TSHZ2: variants seen among roughly 807,000 people sequenced by gnomAD.
The protein encoded by TSHZ2 is teashirt homolog 2.
TSHZ2 carries 21 observed loss-of-function variants against 74.4 expected under a neutral mutation model. The ratio of observed to expected loss-of-function variants is 0.28; its 90% CI spans 0.20 to 0.41. The LOEUF (loss-of-function observed/expected upper bound fraction) is 0.41, where lower values mean the gene tolerates loss of function less well. Ranked by LOEUF, TSHZ2 falls within the 10% of genes least tolerant of loss-of-function variation. The probability of loss-of-function intolerance (pLI) is 1.00; values close to 1 mark genes in which losing one functional copy is unlikely to be tolerated. For synonymous variants in TSHZ2, 540 were observed against 515.3 expected, an observed-to-expected ratio of 1.05 and a Z score of -0.65; for missense variants, 1,244 against 1,293.5, an observed-to-expected ratio of 0.96 and a Z score of 0.59.
chr20:53,164,103 C>A (rs1482088577), intron 1 of TSHZ2, among the ~76,000 whole-genome samples: 4 of 152,030 alleles, frequency 2.6e-5, no homozygotes, highest in Non-Finnish European at 4.4e-5. Context: ...ATAAACACCA[C>A]TGTGGTGAAC....
intron 1 of TSHZ2, among the ~76,000 whole-genome samples, chr20:53,018,590 A>T (rs1983124851): frequency 6.6e-6 from 1 of 152,196 alleles, no homozygotes; most frequent in African/African-American, 2.4e-5. Flanking sequence ...GAAAGTGATG[A>T]CTTTGCCTTT....
chr20:53,363,346 A>G (rs984032832), intron 2 of TSHZ2, among the ~76,000 whole-genome samples: 4 of 152,218 alleles, frequency 2.6e-5, no homozygotes, highest in African/African-American at 9.6e-5. Flanking sequence ...ATTACCAAGA[A>G]TTTGCTTCCA....
rs1484251107 is a variant in TSHZ2 at position 53,471,750 on chromosome 20, G to C, written c.*9-15394G>C. Among the ~76,000 whole-genome samples the C allele has an allele frequency of 8.6e-5, 13 of 150,612 alleles. 1 individual carries two copies. The highest frequency in any genetic ancestry group is 7.9e-4 in the Admixed American group (12 of 15,118). On this transcript the variant is annotated intron_variant, in intron 2 of 2. Transcript: ENST00000371497. ...AGGGATGGCAAGACCAGATCAAGCA[G>C]GACATTAAAACAAGTTTGTCTTTTT...
At chr20:53,135,036 A>ACG (rs57646845) in intron 1 of TSHZ2, among the ~76,000 whole-genome samples, 2 of 149,276 alleles carry the variant, frequency 1.3e-5, no homozygotes, top group African/African-American at 5.0e-5. Flanking sequence ...ACACACACAC[A>ACG]AGGGTTGTGG....
chr20:53,116,451 C>T (rs1986670080), intron 1 of TSHZ2, among the ~76,000 whole-genome samples: 1 of 152,126 alleles, frequency 6.6e-6, no homozygotes, highest in South Asian at 2.1e-4. Context: ...TACAACCTCG[C>T]TCATTCTCTC....
At chr20:53,265,470 C>A (rs1236714849) in intron 2 of TSHZ2, among the ~76,000 whole-genome samples, 1 of 152,076 alleles carries the variant, frequency 6.6e-6, no homozygotes, top group Non-Finnish European at 1.5e-5. Context: ...AGGTACAACA[C>A]AGGGGAAGCT....
At chr20:53,280,392 G>T (rs963503956) in intron 2 of TSHZ2, among the ~76,000 whole-genome samples, 2 of 152,168 alleles carry the variant, frequency 1.3e-5, no homozygotes, top group Non-Finnish European at 2.9e-5. Flanking sequence ...GACCTCCCAT[G>T]ATATAATGTG....
chr20:53,249,095 C>A (rs1990267768), intron 1 of TSHZ2, among the ~76,000 whole-genome samples: 1 of 152,116 alleles, frequency 6.6e-6, no homozygotes. Context: ...CCTGCCTCAG[C>A]CTCCCAAAAT....
intron 2 of TSHZ2, among the ~76,000 whole-genome samples, chr20:53,436,536 A>ATTTTTTTTTTTTTTTTTTTTTTTT (rs71194478): frequency 1.4e-4 from 12 of 83,562 alleles, no homozygotes; most frequent in African/African-American, 2.0e-4. Flanking sequence ...TATTATTATT[A>ATTTTTTTTTTTTTTTTTTTTTTTT]TTATTATTAT....
intron 1 of TSHZ2, among the ~76,000 whole-genome samples, chr20:53,001,228 G>GTGTGTATGTGTGTGTGTGTGTGTGTA (rs1555813618): frequency 1.8e-4 from 26 of 143,480 alleles, no homozygotes; most frequent in Non-Finnish European, 2.9e-4. Flanking sequence ...GTGTGTGTGT[G>GTGTGTATGTGTGTGTGTGTGTGTGTA]TGTGTGTGTG....
At chr20:53,180,412 C>T (rs1988441461) in intron 1 of TSHZ2, among the ~76,000 whole-genome samples, 2 of 152,116 alleles carry the variant, frequency 1.3e-5, no homozygotes, top group Admixed American at 1.3e-4. Flanking sequence ...GAAGAAACCC[C>T]CAAGAAATGG....
chr20:53,354,750 T>A lies in TSHZ2; in HGVS notation c.*8+98179T>A, dbSNP rs559398355. Among the ~76,000 whole-genome samples, 4 of 152,348 alleles carry A rather than the reference T, an allele frequency of 2.6e-5. No individual in the cohort carries two copies. The South Asian group carries it at 8.3e-4, about 32-fold the overall frequency. On this transcript the variant is annotated intron_variant, in intron 2 of 2. Coordinates refer to ENST00000371497, the MANE Select transcript of TSHZ2 (RefSeq NM_173485.6). ...TACAGTTTCATATACAAGCAAGACT[T>A]TCCTTTAATATTGATAAAGAATTGA... is the stretch of plus-strand genomic sequence containing the variant.
intron 2 of TSHZ2, among the ~76,000 whole-genome samples, chr20:53,349,425 G>A (rs985375749): frequency 2.0e-5 from 3 of 152,186 alleles, no homozygotes; most frequent in Admixed American, 6.5e-5. Context: ...GCTGAGGAAG[G>A]CAGATCACTT....
intron 2 of TSHZ2, among the ~76,000 whole-genome samples, chr20:53,379,654 G>A (rs1266219174): frequency 6.6e-6 from 1 of 152,134 alleles, no homozygotes; most frequent in Non-Finnish European, 1.5e-5. Context: ...AAATCAGGAT[G>A]TCTAATTGAA....
chr20:53,417,411 C>T (rs148995065), intron 2 of TSHZ2, among the ~76,000 whole-genome samples: 78 of 152,218 alleles, frequency 5.1e-4, no homozygotes, highest in African/African-American at 1.7e-3. Flanking sequence ...ATTCTCCTGC[C>T]GCAGCCTCCC....
At chr20:53,152,254 G>A (rs1987692742) in intron 1 of TSHZ2, among the ~76,000 whole-genome samples, 1 of 152,122 alleles carries the variant, frequency 6.6e-6, no homozygotes, top group South Asian at 2.1e-4. Context: ...ATCCACTGCA[G>A]TCTCAGAGGT....
chr20:53,293,812 T>C (rs1991325929), intron 2 of TSHZ2, among the ~76,000 whole-genome samples: 1 of 151,734 alleles, frequency 6.6e-6, no homozygotes, highest in Non-Finnish European at 1.5e-5. Context: ...GGTCAGGAGA[T>C]GGAGACCATC....
intron 1 of TSHZ2, among the ~76,000 whole-genome samples, chr20:53,215,409 C>T (rs1277271046): frequency 2.0e-5 from 3 of 151,938 alleles, no homozygotes; most frequent in Non-Finnish European, 2.9e-5. Flanking sequence ...TCTTTTGGTT[C>T]TCATTTCCTG....
chr20:53,449,986 G>T (rs1984710188), intron 2 of TSHZ2, among the ~76,000 whole-genome samples: 1 of 152,164 alleles, frequency 6.6e-6, no homozygotes, highest in Non-Finnish European at 1.5e-5. Flanking sequence ...ACACTTACTG[G>T]GTGGGACCCT....
Sources: allele counts gnomAD v4.1 joint callset (sites outside exome capture counted in the v4.1 genomes callset), GRCh38; gene constraint gnomAD v4.1.1; transcripts MANE v1.5; gene names NCBI Gene and HGNC (gene_info 2026-07-23, HGNC 2026-07-21).